The following ZNF716 variants were observed in gnomAD, a reference collection of about 807,000 sequenced individuals.
The protein encoded by ZNF716 is zinc finger protein 716.
ZNF716 carries 9 observed loss-of-function variants against 13.4 expected under a neutral mutation model. The observed-to-expected ratio is 0.67, with a 90% CI of 0.41 to 1.18. ZNF716 has a LOEUF of 1.18. Among genes scored for constraint, ZNF716 ranks in the 50% most tolerant of loss-of-function variants. The pLI is 0.01. For synonymous variants in ZNF716, 186 were observed against 195.2 expected (o/e 0.95, Z 0.39); for missense variants, 581 against 576.6 (o/e 1.01, Z -0.08).
At chr7:57,451,911 C>T (rs1276493227) in intron 1 of ZNF716, among the ~76,000 whole-genome samples, 1 of 151,784 alleles carries the variant, frequency 6.6e-6, no homozygotes, top group Admixed American at 6.6e-5. Context: ...GGATTACAGG[C>T]CTACACCACC....
At chr7:57,459,521 T>G (rs1169325875) in intron 1 of ZNF716, among the ~76,000 whole-genome samples, 1 of 152,212 alleles carries the variant, frequency 6.6e-6, no homozygotes, top group Non-Finnish European at 1.5e-5. Flanking sequence ...TAATAATGTG[T>G]CTGCGAAAGC....
chr7:57,461,107 TAA>T (rs880000725), intron 1 of ZNF716, among the ~76,000 whole-genome samples: 1 of 118,428 alleles, frequency 8.4e-6, no homozygotes, highest in Admixed American at 9.0e-5. Context: ...TTGTCTCTGC[TAA>T]AAAAAAAAAA....
intron 1 of ZNF716, among the ~76,000 whole-genome samples, chr7:57,451,098 T>A (rs916780264): frequency 5.3e-5 from 8 of 151,946 alleles, no homozygotes; most frequent in Admixed American, 2.0e-4. Context: ...CTCAGCTCAA[T>A]GCAACCGCCC....
chr7:57,456,351 T>C (rs1789590301), intron 1 of ZNF716, among the ~76,000 whole-genome samples: 1 of 152,064 alleles, frequency 6.6e-6, no homozygotes, highest in South Asian at 2.1e-4. Context: ...TTAAGGGAGA[T>C]TATGGGAGTC....
Position 57,469,152 on chromosome 7 carries a change from C to G in ZNF716, c.691C>G (p.His231Asp). Reference protein sequence around the residue: ...SFNCSSTLTRHKRIHTGEKPY... With the variant: ...SFNCSSTLTRDKRIHTGEKPY... ...TAACTGCTCTTCAACCCTTACTAGA[C>G]ATAAAAGAATTCATACTGGAGAGAA... Residue 231 changes from histidine to aspartate, a missense_variant, in exon 4 of 4, where the codon CAT (histidine) becomes GAT (aspartate). Coordinates refer to ENST00000420713, the MANE Select transcript of ZNF716 (RefSeq NM_001159279.1). 1 of 1,611,804 alleles carries G rather than the reference C, an allele frequency of 6.2e-7. No homozygotes were observed. The highest frequency in any genetic ancestry group is 8.5e-7 in the Non-Finnish European group (1 of 1,178,850).
chr7:57,462,369 T>TAAGA, intron 1 of ZNF716, 91 bp from the exon 2 acceptor site: 1 of 1,410,112 alleles, frequency 7.1e-7, no homozygotes, highest in East Asian at 2.5e-5. Context: ...TTATTTAACA[T>TAAGA]GAGTCAAATA....
intron 3 of ZNF716, among the ~76,000 whole-genome samples, chr7:57,467,430 G>C (rs1221801730): frequency 6.6e-6 from 1 of 151,962 alleles, no homozygotes; most frequent in Admixed American, 6.6e-5. Flanking sequence ...TTCCAGCATT[G>C]GTTTATTCTG....
At chr7:57,455,160 T>G (rs1359867104) in intron 1 of ZNF716, among the ~76,000 whole-genome samples, 3 of 152,016 alleles carry the variant, frequency 2.0e-5, no homozygotes, top group African/African-American at 7.2e-5. Context: ...GAGGATGAAG[T>G]AAGAATGGTA....
chr7:57,473,397 A>G lies in ZNF716; in HGVS notation c.*3448A>G, dbSNP rs1452144528. On this transcript the variant is annotated 3_prime_UTR_variant, in exon 4 of 4. Transcript: ENST00000420713. ...TAGCTGGGCATGGTGGTGCATGCCC[A>G]TGGTCCCAGTTACTCAGGAGGCTGA... The G allele has an allele frequency of 1.3e-5, 2 of 152,034 alleles. No homozygotes were observed. The highest frequency in any genetic ancestry group is 2.9e-5 in the Non-Finnish European group (2 of 68,068). 9.4% of individuals were successfully genotyped at this position (152,034 alleles called of 1,614,324 possible).
At position 57,469,327 on chromosome 7, in the gene ZNF716, T is replaced by C; in HGVS notation, c.866T>C (p.Ile289Thr). 6.2e-7 allele frequency: 1 copy of C among 1,608,824 alleles called. No homozygotes were observed. The highest frequency in any genetic ancestry group is 8.5e-7 in the Non-Finnish European group (1 of 1,176,540). Residue 289 changes from isoleucine to threonine, a missense_variant, in exon 4 of 4, where the codon ATT becomes ACT. By Grantham distance (89) the Ile-to-Thr change is moderately conservative. Transcript: ENST00000420713. ...SRSTLTNYKR[I>T]HTGEKPYTCE... ...TCAACACTTACTAACTACAAGAGAATTCATACTGGAGAGAAACCCTACACA... is the reference window on the plus strand; with the variant it reads ...TCAACACTTACTAACTACAAGAGAACTCATACTGGAGAGAAACCCTACACA...
chr7:57,460,974 T>TA (rs1554322973), intron 1 of ZNF716, among the ~76,000 whole-genome samples: 69 of 151,888 alleles, frequency 4.5e-4, no homozygotes, highest in African/African-American at 1.6e-3. Flanking sequence ...GATTTTTTTT[T>TA]ATAATTAAAT....
intron 2 of ZNF716, among the ~76,000 whole-genome samples, 163 bp from the exon 3 acceptor site, chr7:57,462,910 C>G (rs570471638): frequency 5.9e-5 from 9 of 152,108 alleles, no homozygotes; most frequent in Admixed American, 2.0e-4. Flanking sequence ...AATTAAGGAC[C>G]TACAAATTTA....
At chr7:57,467,333 G>T (rs1217291674) in intron 3 of ZNF716, among the ~76,000 whole-genome samples, 1 of 129,368 alleles carries the variant, frequency 7.7e-6, no homozygotes, top group Non-Finnish European at 1.7e-5. Flanking sequence ...TTTTCAGAAA[G>T]TTATGTATTT....
chr7:57,454,216 G>A (rs1789546645), intron 1 of ZNF716, among the ~76,000 whole-genome samples: 1 of 152,160 alleles, frequency 6.6e-6, no homozygotes, highest in Non-Finnish European at 1.5e-5. Flanking sequence ...TATTACTAAT[G>A]TTTACTGAAT....
rs188721419 is a variant in ZNF716, at chr7:57,473,043, A to G, written c.*3094A>G. ...TTTCAATATGTGCAATTGAATTACT[A>G]TTAACCACAGGGTCATTTTATGATC... On this transcript the variant is annotated 3_prime_UTR_variant, in exon 4 of 4. Coordinates refer to ENST00000420713, the MANE Select transcript of ZNF716 (RefSeq NM_001159279.1). 73 of 152,318 alleles carry G rather than the reference A, an allele frequency of 4.8e-4. No homozygotes were observed. Among genetic ancestry groups the G allele is most frequent in the African/African-American group, 1.6e-3 (66 of 41,576 alleles). 9.4% of individuals were successfully genotyped at this position (152,318 alleles called of 1,614,324 possible).
chr7:57,467,799 G>C (rs555929938), intron 3 of ZNF716, among the ~76,000 whole-genome samples: 1 of 151,136 alleles, frequency 6.6e-6, no homozygotes, highest in South Asian at 2.1e-4. Flanking sequence ...AGCTTTTGTT[G>C]ATATTCTTAT....
At chr7:57,452,444 G>A (rs542296295) in intron 1 of ZNF716, among the ~76,000 whole-genome samples, 7 of 151,788 alleles carry the variant, frequency 4.6e-5, no homozygotes, top group African/African-American at 1.7e-4. Flanking sequence ...AAACCAACCT[G>A]GCCAACATGA....
At chr7:57,456,799 A>G (rs1789600577) in intron 1 of ZNF716, among the ~76,000 whole-genome samples, 2 of 151,870 alleles carry the variant, frequency 1.3e-5, no homozygotes, top group African/African-American at 4.8e-5. Context: ...GAAAAGAGAT[A>G]TTACAGAGGC....
At chr7:57,464,683 C>G (rs1217069351) in intron 3 of ZNF716, among the ~76,000 whole-genome samples, 1 of 151,548 alleles carries the variant, frequency 6.6e-6, no homozygotes, top group Middle Eastern at 3.2e-3. Context: ...TCCTGTCTTT[C>G]CACTATATTT....
Sources: allele counts gnomAD v4.1 joint callset (sites outside exome capture counted in the v4.1 genomes callset), GRCh38; gene constraint gnomAD v4.1.1; transcripts MANE v1.5; gene names NCBI Gene and HGNC (gene_info 2026-07-23, HGNC 2026-07-21).